ULK4: variants seen among roughly 807,000 people sequenced by gnomAD.
The protein encoded by ULK4 is unc-51 like kinase 4, also known as inactive serine/threonine-protein kinase ULK4.
Under a neutral mutation model 160.6 loss-of-function variants are expected in ULK4, and 133 were observed. The observed-to-expected ratio is 0.83, with a 90% CI of 0.72 to 0.96. ULK4 has a LOEUF of 0.96. Among genes scored for constraint, ULK4 ranks in the 40% least tolerant of loss-of-function variants. The pLI is 0.00. For synonymous variants in ULK4, 534 were observed against 539.8 expected (o/e 0.99, Z 0.15); for missense variants, 1,580 against 1,499.5 (o/e 1.05, Z -0.89).
chr3:41,724,511 T>C (rs1298704198), intron 22 of ULK4, among the ~76,000 whole-genome samples: 1 of 152,014 alleles, frequency 6.6e-6, no homozygotes, highest in Non-Finnish European at 1.5e-5. Flanking sequence ...GATCATGAGG[T>C]CAGGAGATCG....
In ULK4 at chr3:41,615,715, A is replaced by T. The variant is rs372108147; in HGVS notation, c.3074T>A (p.Leu1025His). ...MTEHNPTFTR[L>H]VEESKLIPLI... is the part of the protein sequence containing the mutation. ...TGGGATCAGTTTGCTTTCTTCCACA[A>T]GTCTGTTAAAAACAAGAAAAAAAGA... Residue 1025 changes from leucine (L) to histidine (H), a missense_variant and splice_region_variant, in exon 31 of 37, where the codon CTT becomes CAT. Transcript: ENST00000301831. 6.2e-7 allele frequency: 1 copy of T among 1,612,686 alleles called. No homozygotes were observed. The highest frequency in any genetic ancestry group is 8.5e-7 in the Non-Finnish European group (1 of 1,179,256).
At chr3:41,943,945 A>C (rs1410272911) in intron 2 of ULK4, among the ~76,000 whole-genome samples, 1 of 152,148 alleles carries the variant, frequency 6.6e-6, no homozygotes, top group Admixed American at 6.5e-5. Context: ...TGCTTACCTA[A>C]ATCTTTAATA....
chr3:41,563,629 C>G (rs1366232910), intron 32 of ULK4, among the ~76,000 whole-genome samples: 1 of 152,124 alleles, frequency 6.6e-6, no homozygotes, highest in South Asian at 2.1e-4. Flanking sequence ...CACGGATACC[C>G]TTTCTTCCAC....
intron 33 of ULK4, among the ~76,000 whole-genome samples, chr3:41,456,581 A>C (rs966412087): frequency 6.6e-6 from 1 of 152,242 alleles, no homozygotes; most frequent in African/African-American, 2.4e-5. Context: ...GTCTTCTCGC[A>C]GGGGTTTTAT....
chr3:41,941,316 G>A (rs1420833829), intron 2 of ULK4, among the ~76,000 whole-genome samples: 11 of 127,700 alleles, frequency 8.6e-5, no homozygotes, highest in African/African-American at 3.1e-4. Flanking sequence ...GGGATTACAG[G>A]CATGAGTCAC....
chr3:41,919,640 T>C (rs1234995506), intron 6 of ULK4, 77 bp downstream of exon 6: 2 of 1,229,474 alleles, frequency 1.6e-6, no homozygotes, highest in Non-Finnish European at 2.3e-6. Context: ...ATCTTATAGG[T>C]AAAACATCTG....
intron 30 of ULK4, among the ~76,000 whole-genome samples, chr3:41,658,171 ATGG>A (rs1158271247): frequency 2.0e-5 from 3 of 152,224 alleles, no homozygotes; most frequent in Non-Finnish European, 4.4e-5. Flanking sequence ...TTGTACACAG[ATGG>A]TGGACAGAAA....
chr3:41,556,526 C>T (rs1251143683), intron 32 of ULK4, among the ~76,000 whole-genome samples: 6 of 125,504 alleles, frequency 4.8e-5, no homozygotes, highest in Non-Finnish European at 4.7e-5. Flanking sequence ...CTCGCTCTGT[C>T]GCCTAGGCTG....
At chr3:41,601,861 G>A (rs2032087629) in intron 31 of ULK4, among the ~76,000 whole-genome samples, 1 of 152,072 alleles carries the variant, frequency 6.6e-6, no homozygotes, top group African/African-American at 2.4e-5. Flanking sequence ...TGGTGTTCTG[G>A]ATGGGTCTTG....
intron 17 of ULK4, among the ~76,000 whole-genome samples, chr3:41,858,147 G>GGT (rs1300896461): frequency 1.1e-5 from 1 of 92,116 alleles, no homozygotes; most frequent in Admixed American, 1.4e-4. Flanking sequence ...TTTTTTGTTT[G>GGT]TTTTTTTTTT....
chr3:41,792,285 G>GT (rs2040173531), intron 20 of ULK4, among the ~76,000 whole-genome samples: 1 of 151,830 alleles, frequency 6.6e-6, no homozygotes, highest in South Asian at 2.1e-4. Context: ...AGAGGTAGGG[G>GT]TGTGTGTGTG....
At chr3:41,398,047 CCA>C (rs1218881136) in intron 35 of ULK4, 30 bp downstream of exon 35, 1 of 1,589,308 alleles carries the variant, frequency 6.3e-7, no homozygotes, top group African/African-American at 1.4e-5. Context: ...GCAAAGCCAC[CCA>C]CAGTGTCCCC....
chr3:41,722,734 T>C (rs1046221841), intron 22 of ULK4, among the ~76,000 whole-genome samples: 6 of 152,230 alleles, frequency 3.9e-5, no homozygotes, highest in Admixed American at 6.5e-5. Flanking sequence ...CTACTCCTTT[T>C]GATATAGGAA....
intron 17 of ULK4, among the ~76,000 whole-genome samples, chr3:41,844,910 A>G (rs899315334): frequency 1.3e-5 from 2 of 152,064 alleles, no homozygotes. Flanking sequence ...ACATCTGTAA[A>G]TGGATGTTTA....
rs112877550 is a variant in ULK4, at chr3:41,311,061, A to G, written c.3679-61487T>C. Reference sequence around the variant, plus strand: ...GGAAGGAAGGGAGGGAAGAACAAACATTAACGCTGTGATGGTTAATTTTAT... The same window carrying G: ...GGAAGGAAGGGAGGGAAGAACAAACGTTAACGCTGTGATGGTTAATTTTAT... On this transcript the variant is annotated intron_variant, in intron 35 of 36. Transcript: ENST00000301831. Among the ~76,000 whole-genome samples the G allele has an allele frequency of 1.7e-4, 26 of 152,218 alleles. 1 individual carries two copies. Among genetic ancestry groups the G allele is most frequent in the African/African-American group, 6.0e-4 (25 of 41,546 alleles).
At chr3:41,328,355 T>C (rs1200586968) in intron 35 of ULK4, among the ~76,000 whole-genome samples, 3 of 152,002 alleles carry the variant, frequency 2.0e-5, no homozygotes. Context: ...AGACCACAGA[T>C]GGAGAATCAT....
intron 34 of ULK4, among the ~76,000 whole-genome samples, chr3:41,434,324 C>T (rs187481476): frequency 6.4e-4 from 97 of 152,120 alleles, no homozygotes; most frequent in African/African-American, 2.3e-3. Flanking sequence ...TTTATATGTA[C>T]TGATATGGAA....
chr3:41,804,219 C>G (rs1175645167), intron 19 of ULK4, among the ~76,000 whole-genome samples: 2 of 151,746 alleles, frequency 1.3e-5, no homozygotes, highest in African/African-American at 4.8e-5. Context: ...TTTTGATTTG[C>G]ATTTCTCTGA....
intron 32 of ULK4, among the ~76,000 whole-genome samples, chr3:41,518,982 T>C (rs746991768): frequency 4.6e-5 from 7 of 152,208 alleles, no homozygotes; most frequent in Non-Finnish European, 8.8e-5. Flanking sequence ...CATTGGCAAA[T>C]GTAAGAAAGA....
Sources: gnomAD v4.1 joint callset for allele counts (sites outside exome capture counted in the v4.1 genomes callset) on GRCh38, gnomAD v4.1.1 for gene constraint, MANE v1.5 for transcripts, NCBI Gene and HGNC (gene_info 2026-07-23, HGNC 2026-07-21) for gene names.